NAPB: variants seen among roughly 807,000 people sequenced by gnomAD.
NAPB encodes the protein beta-soluble NSF attachment protein.
NAPB carries 26 observed loss-of-function variants against 44.7 expected under a neutral mutation model. The ratio of observed to expected loss-of-function variants is 0.58; its 90% CI spans 0.43 to 0.81. The LOEUF (loss-of-function observed/expected upper bound fraction) is 0.81, where lower values mean the gene tolerates loss of function less well. Ranked by LOEUF, NAPB falls within the 30% of genes least tolerant of loss-of-function variation. The pLI is 0.00. For missense variants in NAPB, 315 were observed against 356.4 expected (o/e 0.88, Z 0.94); for synonymous variants, 120 against 116.8 (o/e 1.03, Z -0.18).
chr20:23,414,852 A>G (rs1210031922), intron 1 of NAPB, among the ~76,000 whole-genome samples: 1 of 152,142 alleles, frequency 6.6e-6, no homozygotes, highest in Non-Finnish European at 1.5e-5. Flanking sequence ...CTTGACTTGT[A>G]CCCATTTTAT....
intron 10 of NAPB, 100 bp downstream of exon 10, chr20:23,379,345 T>A: frequency 1.1e-6 from 1 of 899,906 alleles, no homozygotes; most frequent in South Asian, 1.7e-5. Flanking sequence ...GCTGGAGTCA[T>A]GTTCAAATAA....
chr20:23,403,161 G>C, intron 1 of NAPB, 89 bp from the exon 2 acceptor site: 2 of 891,224 alleles, frequency 2.2e-6, no homozygotes, highest in Non-Finnish European at 3.5e-6. Flanking sequence ...GTATATACTT[G>C]CTATGTGCCA....
intron 3 of NAPB, among the ~76,000 whole-genome samples, chr20:23,396,543 TACC>T (rs1208800936): frequency 2.0e-5 from 3 of 152,246 alleles, no homozygotes; most frequent in African/African-American, 4.8e-5. Context: ...TGCAAAATTT[TACC>T]ACATTAAATA....
rs141670165 is a variant in NAPB at position 23,390,407 on chromosome 20, C to G, written c.421-143G>C. On this transcript the variant is annotated intron_variant, in intron 5 of 10. Coordinates refer to ENST00000377026, the MANE Select transcript of NAPB (RefSeq NM_022080.3). ...CTCGGCCTACTTTCTTTAGGAAATA[C>G]AAGAAAGCATGCACCTCTGGAAGCA... is the stretch of plus-strand genomic sequence containing the variant. The G allele has an allele frequency of 4.0e-4, 274 of 686,156 alleles. 1 individual carries two copies. In the African/African-American group the frequency reaches 4.4e-3, roughly 11 times the overall value. The allele number at this position is 686,156 out of a possible 1,614,324, so 42.5% of individuals were successfully genotyped here.
chr20:23,389,839 T>A, intron 7 of NAPB, 107 bp downstream of exon 7: 1 of 890,922 alleles, frequency 1.1e-6, no homozygotes. Flanking sequence ...TGAACTGTAC[T>A]CATTACGTGA....
At chr20:23,398,358 G>A (rs1470654721) in intron 2 of NAPB, among the ~76,000 whole-genome samples, 1 of 151,330 alleles carries the variant, frequency 6.6e-6, no homozygotes, top group African/African-American at 2.4e-5. Flanking sequence ...TTTTTGTGAG[G>A]AAAAAAAATC....
chr20:23,406,727 C>T (rs1985283564), intron 1 of NAPB, among the ~76,000 whole-genome samples: 1 of 152,262 alleles, frequency 6.6e-6, no homozygotes, highest in East Asian at 1.9e-4. Flanking sequence ...CCTCCCTTGG[C>T]GTAAAGTCTT....
intron 1 of NAPB, among the ~76,000 whole-genome samples, chr20:23,411,121 CCT>C (rs1254448153): frequency 6.6e-6 from 1 of 151,660 alleles, no homozygotes; most frequent in Admixed American, 6.6e-5. Flanking sequence ...AATGAGAGTC[CCT>C]AAAGAGGGGA....
Position 23,379,852 on chromosome 20 carries a change from T to C in NAPB, c.735+15A>G. The C allele has an allele frequency of 6.3e-7, 1 of 1,591,590 alleles. No individual in the cohort carries two copies. On this transcript the variant is annotated intron_variant, in intron 9 of 10. Coordinates refer to ENST00000377026, the MANE Select transcript of NAPB (RefSeq NM_022080.3). Reference sequence around the variant, plus strand: ...GAACAAAAGCATTTTTCTTCAAAGTTCTAATATTACTTACTTTCAATAATT... The same window carrying C: ...GAACAAAAGCATTTTTCTTCAAAGTCCTAATATTACTTACTTTCAATAATT...
chr20:23,393,615 G>C (rs1169575629), intron 5 of NAPB, among the ~76,000 whole-genome samples: 1 of 152,166 alleles, frequency 6.6e-6, no homozygotes, highest in Non-Finnish European at 1.5e-5. Context: ...ATCTGGCGGA[G>C]GGAGAGAGAC....
intron 1 of NAPB, among the ~76,000 whole-genome samples, chr20:23,403,884 G>C (rs901483946): frequency 2.6e-5 from 4 of 152,200 alleles, no homozygotes; most frequent in African/African-American, 9.6e-5. Context: ...ACAGCTGTAT[G>C]ATGTCAACTC....
At chr20:23,385,558 G>A (rs1405099518) in intron 7 of NAPB, among the ~76,000 whole-genome samples, 2 of 151,826 alleles carry the variant, frequency 1.3e-5, no homozygotes, top group Middle Eastern at 3.2e-3. Context: ...CCAGGAATTC[G>A]AGACCAGCCT....
intron 8 of NAPB, among the ~76,000 whole-genome samples, chr20:23,380,187 C>A (rs954565512): frequency 2.6e-5 from 4 of 152,226 alleles, no homozygotes; most frequent in Non-Finnish European, 5.9e-5. Flanking sequence ...AAAATGAATT[C>A]TTAAACACTC....
intron 7 of NAPB, among the ~76,000 whole-genome samples, chr20:23,386,801 G>A (rs1983564055): frequency 6.6e-6 from 1 of 152,196 alleles, no homozygotes; most frequent in Admixed American, 6.5e-5. Context: ...TCTCCTTTGA[G>A]TTTAATCTGT....
intron 10 of NAPB, chr20:23,379,202 G>C: frequency 2.5e-6 from 1 of 397,398 alleles, no homozygotes; most frequent in Non-Finnish European, 4.4e-6. Flanking sequence ...AATATAAATG[G>C]AATATTTGCT....
chr20:23,417,232 C>A (rs537656142), intron 1 of NAPB, among the ~76,000 whole-genome samples: 1 of 152,066 alleles, frequency 6.6e-6, no homozygotes, highest in Non-Finnish European at 1.5e-5. Flanking sequence ...TACAGGCGCC[C>A]GCCACCACGC....
chr20:23,383,112 G>A (rs972531205), intron 7 of NAPB, among the ~76,000 whole-genome samples: 11 of 136,754 alleles, frequency 8.0e-5, no homozygotes, highest in South Asian at 2.3e-4. Context: ...ACAAGATTGC[G>A]CCATTAAACT....
chr20:23,397,570 G>A (rs1435354519), intron 2 of NAPB, among the ~76,000 whole-genome samples: 2 of 150,834 alleles, frequency 1.3e-5, no homozygotes, highest in East Asian at 1.9e-4. Flanking sequence ...AACACTGAGC[G>A]CAAAGATATT....
chr20:23,379,255 G>A lies in NAPB; in HGVS notation c.786+190C>T, dbSNP rs556523254. ...GCTAAATTAGTTTTGAGTGTAAGTC[G>A]AATCTCAGCATGGCTAATGGAACTG... On this transcript the variant is annotated intron_variant, in intron 10 of 10. Transcript: ENST00000377026. The A allele has an allele frequency of 4.0e-5, 19 of 471,312 alleles. No individual in the cohort carries two copies. In the South Asian group the frequency reaches 7.6e-4, roughly 19 times the overall value. 29.2% of individuals were successfully genotyped at this position (471,312 alleles called of 1,614,324 possible). A position where few individuals can be genotyped will look rare whatever the true frequency, so the allele number is the denominator to read the frequency against.
Sources: gnomAD v4.1 joint callset for allele counts (sites outside exome capture counted in the v4.1 genomes callset) on GRCh38, gnomAD v4.1.1 for gene constraint, MANE v1.5 for transcripts, NCBI Gene and HGNC (gene_info 2026-07-23, HGNC 2026-07-21) for gene names.